DMD: variants seen among roughly 807,000 people sequenced by gnomAD.
The protein encoded by DMD is mutant dystrophin.
A neutral mutation model predicts 330.1 loss-of-function variants in DMD; 63 were observed. That is an observed-to-expected ratio of 0.19 (90% confidence interval 0.16 to 0.24). The LOEUF (loss-of-function observed/expected upper bound fraction) is 0.24, where lower values mean the gene tolerates loss of function less well. Ranked by LOEUF, DMD falls within the 10% of genes least tolerant of loss-of-function variation. The pLI is 1.00. For missense variants in DMD, 3,344 were observed against 2,684.1 expected, an observed-to-expected ratio of 1.25 and a Z score of -5.43; for synonymous variants, 1,223 against 959.8, an observed-to-expected ratio of 1.27 and a Z score of -5.07.
At chrX:32,641,229 T>G (rs1264579096) in intron 11 of DMD, among the ~76,000 whole-genome samples, 1 of 110,280 alleles carries the variant, frequency 9.1e-6, no homozygotes, top group Non-Finnish European at 1.9e-5. Flanking sequence ...TATATTCCTA[T>G]CCGGTATTTT....
At chrX:33,080,230 A>G (rs2094907741) in intron 1 of DMD, among the ~76,000 whole-genome samples, 2 of 112,023 alleles carry the variant, frequency 1.8e-5, no homozygotes, top group African/African-American at 6.5e-5. Flanking sequence ...TAACCTATAG[A>G]AAAAGCTAAA....
At chrX:32,222,036 G>A (rs934231934) in intron 43 of DMD, among the ~76,000 whole-genome samples, 1 of 111,873 alleles carries the variant, frequency 8.9e-6, no homozygotes, top group African/African-American at 3.2e-5. Context: ...TGTGAATTGT[G>A]CTGCTATAAA....
intron 1 of DMD, among the ~76,000 whole-genome samples, chrX:33,113,927 T>C (rs2095361067): frequency 1.8e-5 from 2 of 110,203 alleles, no homozygotes. Flanking sequence ...TAGTGATAAG[T>C]TAATCTTTAA....
intron 60 of DMD, among the ~76,000 whole-genome samples, chrX:31,360,423 C>T (rs918691482): frequency 3.6e-5 from 4 of 111,905 alleles, no homozygotes; most frequent in Admixed American, 9.5e-5. Context: ...AAAAATATTA[C>T]GTTGGTGCAA....
chrX:32,496,278 T>G (rs1214145905), intron 19 of DMD, among the ~76,000 whole-genome samples: 2 of 111,586 alleles, frequency 1.8e-5, no homozygotes, highest in Non-Finnish European at 3.8e-5. Context: ...AAAATAAAGC[T>G]GCTAATAAAC....
chrX:31,152,926 G>C (rs760097780), intron 74 of DMD, among the ~76,000 whole-genome samples: 1 of 112,245 alleles, frequency 8.9e-6, no homozygotes, highest in Non-Finnish European at 1.9e-5. Context: ...GACAAATTTT[G>C]CAAGGGATGT....
At chrX:31,767,651 T>C (rs1457378569) in intron 51 of DMD, among the ~76,000 whole-genome samples, 6 of 111,752 alleles carry the variant, frequency 5.4e-5, no homozygotes, top group Non-Finnish European at 1.1e-4. Flanking sequence ...TTGTATTGCT[T>C]TTAGTTTAAA....
At chrX:32,801,648 C>A (rs1345301783) in intron 7 of DMD, among the ~76,000 whole-genome samples, 2 of 111,903 alleles carry the variant, frequency 1.8e-5, no homozygotes, top group Non-Finnish European at 3.8e-5. Context: ...TTAGGTATTA[C>A]ATTTAAGTCT....
rs1385204078 is a variant in DMD at position 31,242,527 on chromosome X, C to T, written c.9286+18428G>A. ...CCTATATAAGGTACCATACGTTTGACCTTAATCTTATTTAAGTTGGTGTAC... is the reference window on the plus strand; with the variant it reads ...CCTATATAAGGTACCATACGTTTGATCTTAATCTTATTTAAGTTGGTGTAC... On this transcript the variant is annotated intron_variant, in intron 63 of 78. Transcript: ENST00000357033. Among the ~76,000 whole-genome samples the T allele has an allele frequency of 8.1e-5, 9 of 110,858 alleles. No homozygotes were observed. In the Admixed American group the frequency reaches 8.7e-4, roughly 11 times the overall value.
chrX:32,698,618 C>G (rs1315506852), intron 8 of DMD, among the ~76,000 whole-genome samples: 1 of 111,816 alleles, frequency 8.9e-6, no homozygotes, highest in African/African-American at 3.2e-5. Flanking sequence ...TCATGTTTTT[C>G]TTTATTGTTT....
At chrX:31,718,159 T>C (rs1159040636) in intron 52 of DMD, among the ~76,000 whole-genome samples, 1 of 112,168 alleles carries the variant, frequency 8.9e-6, no homozygotes, top group Non-Finnish European at 1.9e-5. Flanking sequence ...TATCAGAGCA[T>C]TTCATTTATT....
chrX:31,476,434 C>CAT (rs1488518450), intron 59 of DMD, among the ~76,000 whole-genome samples: 23 of 101,545 alleles, frequency 2.3e-4, no homozygotes, highest in South Asian at 4.6e-4. Flanking sequence ...CACACACACA[C>CAT]ACATACTTTA....
At chrX:32,716,850 G>T (rs753940121) in intron 7 of DMD, among the ~76,000 whole-genome samples, 1 of 111,723 alleles carries the variant, frequency 9.0e-6, no homozygotes, top group Admixed American at 9.6e-5. Flanking sequence ...TGGCAGCATT[G>T]TGCCCCTGCT....
chrX:32,401,407 T>A lies in DMD; in HGVS notation c.4233+10345A>T, dbSNP rs73463858. On this transcript the variant is annotated intron_variant, in intron 30 of 78. Coordinates refer to ENST00000357033, the MANE Select transcript of DMD (RefSeq NM_004006.3). ...CATAAAAAGAATGACGTCCTGTCAT[T>A]TGCAATAACATGGATGGAATTGTAC... Among the ~76,000 whole-genome samples, 438 of 112,172 alleles carry A rather than the reference T, an allele frequency of 3.9e-3. 4 individuals are homozygous for A. Among genetic ancestry groups the A allele is most frequent in the African/African-American group, 0.013 (407 of 30,938 alleles).
At chrX:33,002,928 C>G (rs1006415366) in intron 2 of DMD, among the ~76,000 whole-genome samples, 2 of 106,238 alleles carry the variant, frequency 1.9e-5, no homozygotes, top group African/African-American at 6.9e-5. Context: ...GACCTCTGCA[C>G]CAGGTGTGCT....
At chrX:32,005,385 C>T in intron 44 of DMD, among the ~76,000 whole-genome samples, 1 of 111,270 alleles carries the variant, frequency 9.0e-6, no homozygotes, top group Non-Finnish European at 1.9e-5. Context: ...AAAGCTGTTT[C>T]ATTTTAAATA....
At chrX:31,820,904 CG>C (rs1052378075) in intron 49 of DMD, among the ~76,000 whole-genome samples, 2 of 111,791 alleles carry the variant, frequency 1.8e-5, no homozygotes, top group African/African-American at 6.5e-5. Context: ...ATTCCTACCA[CG>C]GTTAAATTTA....
At chrX:32,834,225 A>AT (rs924541225) in intron 4 of DMD, among the ~76,000 whole-genome samples, 1 of 111,423 alleles carries the variant, frequency 9.0e-6, no homozygotes, top group Non-Finnish European at 1.9e-5. Context: ...TAAAGTGCAA[A>AT]TATTTTACAG....
chrX:31,921,825 C>T (rs373578286), intron 47 of DMD, among the ~76,000 whole-genome samples: 235 of 111,701 alleles, frequency 2.1e-3, no homozygotes, highest in African/African-American at 7.3e-3. Context: ...CAAGTGGAAT[C>T]CATAATTCAT....
Sources: allele counts gnomAD v4.1 joint callset (sites outside exome capture counted in the v4.1 genomes callset), GRCh38; gene constraint gnomAD v4.1.1; transcripts MANE v1.5; gene names NCBI Gene and HGNC (gene_info 2026-07-23, HGNC 2026-07-21).